Variants in TBC1D22B observed in about 807,000 individuals in gnomAD.
The protein encoded by TBC1D22B is chromosome 6 open reading frame 197.
A neutral mutation model predicts 69.1 loss-of-function variants in TBC1D22B; 32 were observed. The observed-to-expected ratio is 0.46, with a 90% confidence interval of 0.35 to 0.62. The LOEUF is 0.62. Ranked by LOEUF, TBC1D22B falls within the 20% of genes least tolerant of loss-of-function variation. The probability of loss-of-function intolerance (pLI) is 0.00; values close to 1 mark genes in which losing one functional copy is unlikely to be tolerated. For missense variants in TBC1D22B, 462 were observed against 630.9 expected (o/e 0.73, Z 2.87); for synonymous variants, 206 against 229.8 (o/e 0.90, Z 0.94).
intron 8 of TBC1D22B, among the ~76,000 whole-genome samples, chr6:37,294,677 T>C (rs1418399133): frequency 6.6e-6 from 1 of 152,224 alleles, no homozygotes; most frequent in African/African-American, 2.4e-5. Context: ...CAACAAAGCT[T>C]AGATGACAGC....
intron 7 of TBC1D22B, among the ~76,000 whole-genome samples, chr6:37,288,164 A>T (rs756839849): frequency 7.2e-5 from 11 of 152,208 alleles, no homozygotes; most frequent in African/African-American, 2.7e-4. Context: ...TTAAATATAG[A>T]TGTCTCCACT....
intron 1 of TBC1D22B, among the ~76,000 whole-genome samples, chr6:37,265,229 T>C (rs1766234177): frequency 6.6e-6 from 1 of 152,238 alleles, no homozygotes; most frequent in South Asian, 2.1e-4. Context: ...CTTTAAAAAA[T>C]AGTCTACTGT....
chr6:37,330,299 C>T (rs1255778966), intron 12 of TBC1D22B, among the ~76,000 whole-genome samples: 4 of 124,802 alleles, frequency 3.2e-5, no homozygotes, highest in Non-Finnish European at 4.7e-5. Flanking sequence ...AGTGCAGTGG[C>T]GCGATCTGGG....
intron 8 of TBC1D22B, among the ~76,000 whole-genome samples, chr6:37,292,730 G>A (rs528281097): frequency 6.6e-6 from 1 of 152,260 alleles, no homozygotes; most frequent in African/African-American, 2.4e-5. Context: ...ATAATCCTCA[G>A]CAGCTGTAGT....
intron 8 of TBC1D22B, among the ~76,000 whole-genome samples, chr6:37,310,825 C>T (rs1483849932): frequency 6.6e-6 from 1 of 152,078 alleles, no homozygotes; most frequent in African/African-American, 2.4e-5. Context: ...TCCTAAAATA[C>T]TGTGCATATA....
In TBC1D22B at chr6:37,331,481, C is replaced by T. The variant is rs1768581250; in HGVS notation, c.*309C>T. 1 of 253,262 alleles carries T rather than the reference C, an allele frequency of 3.9e-6. No individual in the cohort carries two copies. The highest frequency in any genetic ancestry group is 7.6e-6 in the Non-Finnish European group (1 of 130,962). The allele number at this position is 253,262 out of a possible 1,614,324, so 15.7% of individuals were successfully genotyped here. ...AAGGGGAAGGCTCAGGGTCTCACCT[C>T]ACATTGTCCCTACAAGGACAGGCCC... On this transcript the variant is annotated 3_prime_UTR_variant, in exon 13 of 13. Coordinates refer to ENST00000373491, the MANE Select transcript of TBC1D22B (RefSeq NM_017772.4).
intron 12 of TBC1D22B, among the ~76,000 whole-genome samples, chr6:37,322,828 G>C (rs1768288740): frequency 6.6e-6 from 1 of 152,126 alleles, no homozygotes; most frequent in Non-Finnish European, 1.5e-5. Context: ...AAAACCAAGG[G>C]GTTACAACGG....
At chr6:37,327,477 CAAA>C (rs56160547) in intron 12 of TBC1D22B, among the ~76,000 whole-genome samples, 1 of 52,072 alleles carries the variant, frequency 1.9e-5, no homozygotes, top group Non-Finnish European at 3.2e-5. Context: ...GACTCCGACT[CAAA>C]AAAAAAAAAA....
intron 6 of TBC1D22B, 145 bp from the exon 7 acceptor site, chr6:37,286,862 T>C: frequency 1.6e-6 from 1 of 644,242 alleles, no homozygotes. Flanking sequence ...GAGAATCGCT[T>C]GAACCCTGGA....
In TBC1D22B at chr6:37,331,142, T is replaced by A; in HGVS notation, c.1488T>A (p.Phe496Leu). Residue 496 changes from phenylalanine to leucine, a missense_variant, in exon 13 of 13, where the codon TTT (phenylalanine) becomes TTA (leucine). Phe to Leu is a conservative substitution (Grantham distance 22). Around this residue, in one of 2 missense-constraint regions of TBC1D22B, gnomAD observed 225 missense variants for 375.4 expected, o/e 0.60. Coordinates refer to ENST00000373491, the MANE Select transcript of TBC1D22B (RefSeq NM_017772.4). ...LAEAYRLKYM[F>L]ADAPNHYRR ...AGGCATACAGACTCAAGTACATGTT[T>A]GCCGATGCCCCAAATCACTACCGCC... The A allele has an allele frequency of 1.9e-6, 3 of 1,614,186 alleles. No individual in the cohort carries two copies. The highest frequency in any genetic ancestry group is 2.5e-6 in the Non-Finnish European group (3 of 1,180,028).
At chr6:37,300,034 A>G (rs982998152) in intron 8 of TBC1D22B, among the ~76,000 whole-genome samples, 11 of 151,614 alleles carry the variant, frequency 7.3e-5, no homozygotes, top group African/African-American at 1.5e-4. Context: ...AAGATTACAA[A>G]AATACTCTCC....
At chr6:37,310,192 C>A (rs1389810183) in intron 8 of TBC1D22B, among the ~76,000 whole-genome samples, 1 of 141,500 alleles carries the variant, frequency 7.1e-6, no homozygotes, top group East Asian at 2.0e-4. Context: ...ATGTATACTA[C>A]CATATATAAG....
At chr6:37,275,769 T>A (rs1456865871) in intron 2 of TBC1D22B, among the ~76,000 whole-genome samples, 3 of 152,148 alleles carry the variant, frequency 2.0e-5, no homozygotes, top group Non-Finnish European at 4.4e-5. Flanking sequence ...GAGTAGCCAA[T>A]ATTTATATGT....
intron 1 of TBC1D22B, among the ~76,000 whole-genome samples, chr6:37,265,168 T>C (rs1348964213): frequency 2.0e-5 from 3 of 152,252 alleles, no homozygotes; most frequent in Non-Finnish European, 4.4e-5. Flanking sequence ...GCTGATGAAG[T>C]CCATCATTTA....
intron 2 of TBC1D22B, among the ~76,000 whole-genome samples, chr6:37,270,975 G>A (rs1766467227): frequency 2.0e-5 from 3 of 152,116 alleles, no homozygotes; most frequent in Admixed American, 1.3e-4. Context: ...GTAGAGTACT[G>A]AGGATTTTTA....
intron 12 of TBC1D22B, among the ~76,000 whole-genome samples, chr6:37,321,200 AT>A (rs35849190): frequency 1.0e-4 from 15 of 149,292 alleles, no homozygotes; most frequent in Non-Finnish European, 8.9e-5. Flanking sequence ...TCATAGCAAG[AT>A]TTTTTTTTTT....
intron 8 of TBC1D22B, among the ~76,000 whole-genome samples, chr6:37,312,686 GAGAAAT>G (rs1191200992): frequency 6.6e-6 from 1 of 152,340 alleles, no homozygotes; most frequent in African/African-American, 2.4e-5. Flanking sequence ...GGACTAGCAT[GAGAAAT>G]GGCCTGTCCA....
At chr6:37,263,288 C>T (rs1192995454) in intron 1 of TBC1D22B, among the ~76,000 whole-genome samples, 1 of 152,170 alleles carries the variant, frequency 6.6e-6, no homozygotes, top group Non-Finnish European at 1.5e-5. Flanking sequence ...TTCCACTAAA[C>T]ATATGTTATA....
At chr6:37,293,351 A>G (rs1487249689) in intron 8 of TBC1D22B, among the ~76,000 whole-genome samples, 2 of 152,140 alleles carry the variant, frequency 1.3e-5, no homozygotes, top group African/African-American at 4.8e-5. Flanking sequence ...TGCTGGGATT[A>G]CAGGCATCAG....
Sources: allele counts gnomAD v4.1 joint callset (sites outside exome capture counted in the v4.1 genomes callset), GRCh38; gene constraint gnomAD v4.1.1; regional missense constraint gnomAD v4.1.1; transcripts MANE v1.5; gene names NCBI Gene and HGNC (gene_info 2026-07-23, HGNC 2026-07-21).